Variants in DOK6 observed in about 807,000 individuals in gnomAD.
The protein encoded by DOK6 is downstream of tyrosine kinase 6.
Under a neutral mutation model 44.0 loss-of-function variants are expected in DOK6, and 22 were observed. That is an observed-to-expected ratio of 0.50 (90% CI 0.36 to 0.71). DOK6 has a LOEUF of 0.71. DOK6 is among the 30% of genes least tolerant of loss of function. The probability of loss-of-function intolerance (pLI) is 0.00; values close to 1 mark genes in which losing one functional copy is unlikely to be tolerated. For synonymous variants in DOK6, 166 were observed against 145.5 expected, an observed-to-expected ratio of 1.14 and a Z score of -1.01; for missense variants, 340 against 416.4, an observed-to-expected ratio of 0.82 and a Z score of 1.60.
At chr18:69,421,231 T>C (rs1057345696) in intron 1 of DOK6, among the ~76,000 whole-genome samples, 2 of 152,222 alleles carry the variant, frequency 1.3e-5, no homozygotes, top group Non-Finnish European at 2.9e-5. Flanking sequence ...ATGACTTAGC[T>C]GGAGCTTATC....
At chr18:69,493,711 T>C (rs1980803043) in intron 1 of DOK6, among the ~76,000 whole-genome samples, 1 of 152,216 alleles carries the variant, frequency 6.6e-6, no homozygotes, top group Non-Finnish European at 1.5e-5. Context: ...ATCTCCTAAA[T>C]TGGTGAATAT....
chr18:69,429,505 G>C (rs139477961), intron 1 of DOK6, among the ~76,000 whole-genome samples: 18 of 150,992 alleles, frequency 1.2e-4, no homozygotes, highest in African/African-American at 4.4e-4. Flanking sequence ...TTGTACTTGA[G>C]ATTTTATGCT....
intron 6 of DOK6, among the ~76,000 whole-genome samples, chr18:69,749,532 T>C (rs1979099789): frequency 6.6e-6 from 1 of 152,194 alleles, no homozygotes; most frequent in South Asian, 2.1e-4. Context: ...TATATGTTCT[T>C]AGGAATGTCG....
At chr18:69,527,828 T>C (rs1981872053) in intron 1 of DOK6, among the ~76,000 whole-genome samples, 1 of 152,168 alleles carries the variant, frequency 6.6e-6, no homozygotes, top group Non-Finnish European at 1.5e-5. Flanking sequence ...GTTGGTGAAC[T>C]TTAAACCTAG....
At chr18:69,825,427 CTTTTTTTTTTTTTTTT>C (rs34656265) in intron 7 of DOK6, among the ~76,000 whole-genome samples, 1 of 82,958 alleles carries the variant, frequency 1.2e-5, no homozygotes, top group African/African-American at 5.0e-5. Context: ...ATCATAACTT[CTTTTTTTTTTTTTTTT>C]TTTTTTTTTT....
At chr18:69,586,947 C>T (rs986410494) in intron 2 of DOK6, among the ~76,000 whole-genome samples, 2 of 152,116 alleles carry the variant, frequency 1.3e-5, no homozygotes, top group African/African-American at 2.4e-5. Flanking sequence ...AAAAGAAAAG[C>T]ATATTTAATG....
At chr18:69,425,854 G>A (rs1405296627) in intron 1 of DOK6, among the ~76,000 whole-genome samples, 1 of 151,994 alleles carries the variant, frequency 6.6e-6, no homozygotes, top group South Asian at 2.1e-4. Context: ...TAAGGAGTGG[G>A]CAAAACTGTC....
rs144889472 is a variant in DOK6 at position 69,833,307 on chromosome 18, A to C, written c.857-7937A>C. ...AACAAAGATGCTGAGAACATACCTT[A>C]AAGAAAGGACAGTCTGCTTAATAAA... On this transcript the variant is annotated intron_variant, in intron 7 of 7. Coordinates refer to ENST00000382713, the MANE Select transcript of DOK6 (RefSeq NM_152721.6). Among the ~76,000 whole-genome samples, 417 of 152,288 alleles carry C rather than the reference A, an allele frequency of 2.7e-3. 2 individuals are homozygous for C. The highest frequency in any genetic ancestry group is 9.8e-3 in the African/African-American group (408 of 41,566).
At chr18:69,526,665 C>G (rs2094646876) in intron 1 of DOK6, among the ~76,000 whole-genome samples, 1 of 152,026 alleles carries the variant, frequency 6.6e-6, no homozygotes, top group South Asian at 2.1e-4. Flanking sequence ...TTAGTGATTT[C>G]TAATTTCTTC....
chr18:69,548,937 C>CA (rs746865103), intron 1 of DOK6, among the ~76,000 whole-genome samples: 66 of 150,492 alleles, frequency 4.4e-4, no homozygotes, highest in Admixed American at 2.0e-3. Flanking sequence ...ACTAAAAATA[C>CA]AAAAAAAATT....
At chr18:69,640,912 A>T (rs531642823) in intron 3 of DOK6, among the ~76,000 whole-genome samples, 1 of 152,106 alleles carries the variant, frequency 6.6e-6, no homozygotes, top group Admixed American at 6.6e-5. Context: ...GTGCTTTCTG[A>T]TTACTGTCAT....
chr18:69,531,320 A>G (rs951790055), intron 1 of DOK6, among the ~76,000 whole-genome samples: 4 of 148,928 alleles, frequency 2.7e-5, no homozygotes, highest in African/African-American at 7.3e-5. Flanking sequence ...AAGAAGGGGT[A>G]TTTTCTTATT....
chr18:69,545,783 G>C (rs1394372202), intron 1 of DOK6, among the ~76,000 whole-genome samples: 1 of 151,096 alleles, frequency 6.6e-6, no homozygotes, highest in Non-Finnish European at 1.5e-5. Context: ...GTAAATAGAT[G>C]GCAGTATTCA....
chr18:69,696,299 TACC>T (rs1172127213), intron 4 of DOK6, among the ~76,000 whole-genome samples: 1 of 152,218 alleles, frequency 6.6e-6, no homozygotes, highest in Non-Finnish European at 1.5e-5. Flanking sequence ...ATGTTTCATG[TACC>T]ATCCACTGGA....
At chr18:69,476,038 T>G (rs1241521001) in intron 1 of DOK6, among the ~76,000 whole-genome samples, 1 of 152,162 alleles carries the variant, frequency 6.6e-6, no homozygotes, top group African/African-American at 2.4e-5. Context: ...CCACTCTCCT[T>G]CCCACCCCTC....
intron 1 of DOK6, among the ~76,000 whole-genome samples, chr18:69,503,335 A>G (rs1187299948): frequency 1.3e-5 from 2 of 152,152 alleles, no homozygotes; most frequent in Admixed American, 1.3e-4. Flanking sequence ...ATAATTGACT[A>G]GTGAATTTTC....
chr18:69,762,111 A>T (rs1396559989), intron 7 of DOK6, among the ~76,000 whole-genome samples: 2 of 152,092 alleles, frequency 1.3e-5, no homozygotes, highest in Admixed American at 1.3e-4. Flanking sequence ...AGGAGTTAAG[A>T]CCAGTCTGGG....
intron 1 of DOK6, among the ~76,000 whole-genome samples, chr18:69,467,674 T>G (rs1385137476): frequency 6.6e-6 from 1 of 152,208 alleles, no homozygotes; most frequent in Non-Finnish European, 1.5e-5. Context: ...ATCTCTTATG[T>G]AATGAAAAAA....
intron 3 of DOK6, among the ~76,000 whole-genome samples, chr18:69,609,836 T>G (rs903460548): frequency 6.6e-6 from 1 of 152,222 alleles, no homozygotes; most frequent in Non-Finnish European, 1.5e-5. Flanking sequence ...TAGAGTATTA[T>G]TCAATCTTTA....
Sources: allele counts gnomAD v4.1 joint callset (sites outside exome capture counted in the v4.1 genomes callset), GRCh38; gene constraint gnomAD v4.1.1; transcripts MANE v1.5; gene names NCBI Gene and HGNC (gene_info 2026-07-23, HGNC 2026-07-21).